The following NPAS4 variants were observed in gnomAD, a reference collection of about 807,000 sequenced individuals.
NPAS4 encodes the protein neuronal PAS domain-containing protein 4.
In NPAS4, 10 loss-of-function variants were observed where a neutral mutation model predicts 64.0. The observed-to-expected ratio is 0.16, with a 90% CI of 0.10 to 0.26. The LOEUF (loss-of-function observed/expected upper bound fraction) is 0.26, where lower values mean the gene tolerates loss of function less well. Among genes scored for constraint, NPAS4 ranks in the 10% least tolerant of loss-of-function variants. NPAS4 has a pLI of 1.00. For missense variants in NPAS4, 886 were observed against 992.6 expected, an observed-to-expected ratio of 0.89 and a Z score of 1.44; for synonymous variants, 441 against 411.7, an observed-to-expected ratio of 1.07 and a Z score of -0.86.
At position 66,424,686 on chromosome 11, in the gene NPAS4, C is replaced by T; in HGVS notation, c.1796C>T (p.Ser599Phe). 6.2e-7 allele frequency: 1 copy of T among 1,613,246 alleles called. No homozygotes were observed. Among genetic ancestry groups the T allele is most frequent in the Non-Finnish European group, 8.5e-7 (1 of 1,179,422 alleles). The part of the protein sequence containing the change: ...LALAQLRGPL[S>F]VDVPLVPEGL... ...CTAGCCCAGCTCCGGGGCCCCCTCTCTGTGGATGTCCCCCTGGTGCCCGAA... is the reference window on the plus strand; with the variant it reads ...CTAGCCCAGCTCCGGGGCCCCCTCTTTGTGGATGTCCCCCTGGTGCCCGAA... Residue 599 changes from serine (S) to phenylalanine (F), a missense_variant, in exon 7 of 8, where the codon TCT becomes TTT. Around this residue, in one of 3 missense-constraint regions of NPAS4, gnomAD observed 820 missense variants for 855.5 expected, o/e 0.96. Transcript: ENST00000311034.
Position 66,424,027 on chromosome 11 carries a change from T to C in NPAS4, c.1137T>C (p.Pro379=). ...APRSTSFPSA[P]ELSVVSASEE... ...GAAGCACCAGCTTCCCCAGTGCTCC[T>C]GAACTGAGTGTTGTCTCTGCATCAG... The change falls in exon 7 of 8, where the codon CCT becomes CCC. Residue 379 remains proline, a synonymous_variant. Transcript: ENST00000311034. 6.2e-7 allele frequency: 1 copy of C among 1,614,144 alleles called. No individual in the cohort carries two copies. The highest frequency in any genetic ancestry group is 8.5e-7 in the Non-Finnish European group (1 of 1,180,008).
chr11:66,426,078 T>A lies in NPAS4; in HGVS notation c.*89T>A. ...CACCCCCCCGGGACTGTTGGGGGGATTCTGAGGGCCAGAGGGGGATATATA... is the reference window on the plus strand; with the variant it reads ...CACCCCCCCGGGACTGTTGGGGGGAATCTGAGGGCCAGAGGGGGATATATA... On this transcript the variant is annotated 3_prime_UTR_variant, in exon 8 of 8. Coordinates refer to ENST00000311034, the MANE Select transcript of NPAS4 (RefSeq NM_178864.4). The A allele has an allele frequency of 1.0e-6, 1 of 1,004,318 alleles. No individual in the cohort carries two copies. The highest frequency in any genetic ancestry group is 1.6e-6 in the Non-Finnish European group (1 of 630,748). 62.2% of individuals were successfully genotyped at this position (1,004,318 alleles called of 1,614,324 possible).
chr11:66,422,049 A>G, intron 1 of NPAS4, 71 bp from the exon 2 acceptor site: 1 of 1,380,718 alleles, frequency 7.2e-7, no homozygotes, highest in Non-Finnish European at 1.0e-6. Context: ...TGAAACTCAG[A>G]CCATGCCTTC....
rs1475856124 is a variant in NPAS4 at position 66,421,043 on chromosome 11, C to A, written c.-137C>A. On this transcript the variant is annotated 5_prime_UTR_variant, in exon 1 of 8. Coordinates refer to ENST00000311034, the MANE Select transcript of NPAS4 (RefSeq NM_178864.4). ...CGTGAGGCAGGCGAGGGGGGCAGCG[C>A]AGCCGAGCGGAGCCCAGGAGAGCAG... 2.7e-6 allele frequency: 2 copies of A among 729,364 alleles called. No individual in the cohort carries two copies. The highest frequency in any genetic ancestry group is 5.4e-5 in the East Asian group (2 of 36,782). The allele number at this position is 729,364 out of a possible 1,614,324, so 45.2% of individuals were successfully genotyped here. A position where few individuals can be genotyped will look rare whatever the true frequency, so the allele number is the denominator to read the frequency against.
At chr11:66,421,029 C>T, upstream of NPAS4, 1 of 664,684 alleles carries the variant, frequency 1.5e-6, no homozygotes, top group Non-Finnish European at 2.5e-6. Flanking sequence ...GTGAGGCAGG[C>T]GAGGGGGGCA....
At position 66,422,868 on chromosome 11, in the gene NPAS4, C is replaced by CCTGCCT; in HGVS notation, c.627_632dup (p.Ala210_Ser211dup). ...CCCAGGTCCTGGCCCTGGCCCTGGC[C>CCTGCCT]CTGCCTCGCTCTTCCTGGCCATGTT... On this transcript the variant is annotated inframe_insertion, in exon 4 of 8. Coordinates refer to ENST00000311034, the MANE Select transcript of NPAS4 (RefSeq NM_178864.4). 6.2e-7 allele frequency: 1 copy of CCTGCCT among 1,612,562 alleles called. No individual in the cohort carries two copies. The highest frequency in any genetic ancestry group is 8.5e-7 in the Non-Finnish European group (1 of 1,180,020).
At position 66,426,124 on chromosome 11, in the gene NPAS4, G is replaced by T. The variant is rs1409312565; in HGVS notation, c.*135G>T. ...ATATATGATTCCCCAGGCCCTGCAG[G>T]ATTTTGGGGGGGGGGAGGTGGGAGG... On this transcript the variant is annotated 3_prime_UTR_variant, in exon 8 of 8. Coordinates refer to ENST00000311034, the MANE Select transcript of NPAS4 (RefSeq NM_178864.4). The T allele has an allele frequency of 1.6e-4, 58 of 365,808 alleles. No homozygotes were observed. Among genetic ancestry groups the T allele is most frequent in the East Asian group, 5.0e-4 (7 of 13,962 alleles). 22.7% of individuals were successfully genotyped at this position (365,808 alleles called of 1,614,324 possible).
chr11:66,424,478 C>A lies in NPAS4; in HGVS notation c.1588C>A (p.Gln530Lys). 6.2e-7 allele frequency: 1 copy of A among 1,614,170 alleles called. No individual in the cohort carries two copies. The highest frequency in any genetic ancestry group is 8.5e-7 in the Non-Finnish European group (1 of 1,180,038). ...GCCTCTGGGCAGCCCTGCCCATGAA[C>A]AGCTGACTCCTCCCAGCACAGCATT... ...PEPLGSPAHE[Q>K]LTPPSTAFQA... The change falls in exon 7 of 8, where the codon CAG (glutamine) becomes AAG (lysine). Residue 530 changes from glutamine to lysine, a missense_variant. By Grantham distance (53) the Gln-to-Lys change is moderately conservative. Coordinates refer to ENST00000311034, the MANE Select transcript of NPAS4 (RefSeq NM_178864.4).
Position 66,424,046 on chromosome 11 carries a change from G to C in NPAS4, c.1156G>C (p.Ala386Pro). 6.2e-7 allele frequency: 1 copy of C among 1,614,108 alleles called. No homozygotes were observed. Among genetic ancestry groups the C allele is most frequent in the East Asian group, 2.2e-5 (1 of 44,882 alleles). ...PSAPELSVVSASEELPRPSKE... is the reference protein window; with the variant it reads ...PSAPELSVVSPSEELPRPSKE... ...TGCTCCTGAACTGAGTGTTGTCTCT[G>C]CATCAGAAGAGCTTCCCCGACCCTC... Residue 386 changes from alanine to proline, a missense_variant, in exon 7 of 8, where the codon GCA (alanine) becomes CCA (proline). By Grantham distance (27) the Ala-to-Pro change is conservative. Transcript: ENST00000311034.
rs757741962 is a variant in NPAS4, at chr11:66,423,871, C to A, written c.981C>A (p.Asn327Lys). The change falls in exon 7 of 8, where the codon AAC (asparagine) becomes AAA (lysine). Residue 327 changes from asparagine (N) to lysine (K), a missense_variant. By Grantham distance (94) the Asn-to-Lys change is moderately conservative. Transcript: ENST00000311034. ...CCTGGAGCCTCCGCCAGCAGTTGAA[C>A]TCTGAAGACACCCAGGCAGCTTATG... ...MEAWSLRQQLNSEDTQAAYVL... is the reference protein window; with the variant it reads ...MEAWSLRQQLKSEDTQAAYVL... 8.1e-6 allele frequency: 13 copies of A among 1,612,764 alleles called. No individual in the cohort carries two copies. Among genetic ancestry groups the A allele is most frequent in the Non-Finnish European group, 1.1e-5 (13 of 1,179,358 alleles).
In NPAS4 at chr11:66,423,302, G is replaced by T; in HGVS notation, c.808+70G>T. The stretch of plus-strand genomic sequence containing the variant: ...GGGCATGGGAGACCAGACAAAGAAT[G>T]ATCTGTAGTCAAGAGTGATGCTGGG... On this transcript the variant is annotated intron_variant, in intron 5 of 7. Coordinates refer to ENST00000311034, the MANE Select transcript of NPAS4 (RefSeq NM_178864.4). The T allele has an allele frequency of 8.4e-6, 9 of 1,073,666 alleles. No individual in the cohort carries two copies. In the South Asian group the frequency reaches 9.3e-5, roughly 11 times the overall value. The allele number at this position is 1,073,666 out of a possible 1,614,324, so 66.5% of individuals were successfully genotyped here.
chr11:66,422,016 A>G, intron 1 of NPAS4, 104 bp from the exon 2 acceptor site: 1 of 1,048,952 alleles, frequency 9.5e-7, no homozygotes, highest in Non-Finnish European at 1.4e-6. Context: ...AGGCAGGTCC[A>G]TGAGAAATTC....
At chr11:66,413,825 C>T in the NPAS4 span, among the ~76,000 whole-genome samples, 1 of 152,196 alleles carries the variant, frequency 6.6e-6, no homozygotes, top group Non-Finnish European at 1.5e-5. Context: ...TCCCAGCATG[C>T]CTCCTTGACA....
chr11:66,415,991 T>C, the NPAS4 span, among the ~76,000 whole-genome samples: 1 of 152,162 alleles, frequency 6.6e-6, no homozygotes, highest in Non-Finnish European at 1.5e-5. Flanking sequence ...TAGTCCCAGC[T>C]ACTCGAGATC....
At chr11:66,414,783 G>A in the NPAS4 span, among the ~76,000 whole-genome samples, 9 of 152,158 alleles carry the variant, frequency 5.9e-5, no homozygotes, top group African/African-American at 2.2e-4. Flanking sequence ...ATGGACGCAG[G>A]ATGGGGAGGT....
In NPAS4 at chr11:66,424,306, C is replaced by T. The variant is rs753641063; in HGVS notation, c.1416C>T (p.Pro472=). 2 of 1,614,182 alleles carry T rather than the reference C, an allele frequency of 1.2e-6. No individual in the cohort carries two copies. The highest frequency in any genetic ancestry group is 1.7e-6 in the Non-Finnish European group (2 of 1,180,024). Residue 472 remains proline (P), a synonymous_variant, in exon 7 of 8, where the codon CCC becomes CCT. Transcript: ENST00000311034. ...CGACCTTCTCTGATCAGTTGACGCC[C>T]AGCAGTGCAACCTTCCCAGATCCAC... ...STATFSDQLT[P]SSATFPDPLT...
At position 66,424,277 on chromosome 11, in the gene NPAS4, A is replaced by C; in HGVS notation, c.1387A>C (p.Thr463Pro). 6.2e-7 allele frequency: 1 copy of C among 1,614,138 alleles called. No individual in the cohort carries two copies. The highest frequency in any genetic ancestry group is 8.5e-7 in the Non-Finnish European group (1 of 1,180,030). The change falls in exon 7 of 8, where the codon ACT becomes CCT. Residue 463 changes from threonine to proline, a missense_variant. Coordinates refer to ENST00000311034, the MANE Select transcript of NPAS4 (RefSeq NM_178864.4). The stretch of plus-strand genomic sequence containing the variant: ...TCTTCAAGAACAGCTGACTCCAAGC[A>C]CTGCGACCTTCTCTGATCAGTTGAC... ...STLQEQLTPSTATFSDQLTPS... is the reference protein window; with the variant it reads ...STLQEQLTPSPATFSDQLTPS...
At chr11:66,423,342 C>A in intron 5 of NPAS4, 110 bp downstream of exon 5, 1 of 876,622 alleles carries the variant, frequency 1.1e-6, no homozygotes, top group Non-Finnish European at 1.9e-6. Context: ...TAACAGAGGC[C>A]AACAGTTTCG....
chr11:66,426,102 T>A lies in NPAS4; in HGVS notation c.*113T>A. The stretch of plus-strand genomic sequence containing the variant: ...ATTCTGAGGGCCAGAGGGGGATATA[T>A]ATGATTCCCCAGGCCCTGCAGGATT... On this transcript the variant is annotated 3_prime_UTR_variant, in exon 8 of 8. Transcript: ENST00000311034. The A allele has an allele frequency of 1.6e-6, 1 of 622,174 alleles. No homozygotes were observed. The highest frequency in any genetic ancestry group is 1.9e-5 in the African/African-American group (1 of 53,546). The allele number at this position is 622,174 out of a possible 1,614,324, so 38.5% of individuals were successfully genotyped here.
Sources: allele counts gnomAD v4.1 joint callset (sites outside exome capture counted in the v4.1 genomes callset), GRCh38; gene constraint gnomAD v4.1.1; regional missense constraint gnomAD v4.1.1; transcripts MANE v1.5; gene names NCBI Gene and HGNC (gene_info 2026-07-23, HGNC 2026-07-21).